PODXL2: variants seen among roughly 807,000 people sequenced by gnomAD.
The protein encoded by PODXL2 is podocalyxin-like protein 2.
Under a neutral mutation model 53.4 loss-of-function variants are expected in PODXL2, and 17 were observed. That is an observed-to-expected ratio of 0.32 (90% CI 0.22 to 0.48). The LOEUF is 0.48. Ranked by LOEUF, PODXL2 falls within the 20% of genes least tolerant of loss-of-function variation. The pLI is 0.99. For synonymous variants in PODXL2, 311 were observed against 306.7 expected (o/e 1.01, Z -0.15); for missense variants, 673 against 760.0 (o/e 0.89, Z 1.35).
intron 2 of PODXL2, among the ~76,000 whole-genome samples, chr3:127,648,115 G>T (rs2074667045): frequency 6.6e-6 from 1 of 152,174 alleles, no homozygotes; most frequent in African/African-American, 2.4e-5. Flanking sequence ...AAAGAAGCTG[G>T]CTGACAGAGA....
Position 127,639,305 on chromosome 3 carries a change from C to T in PODXL2, c.131C>T (p.Ser44Phe). Residue 44 changes from serine to phenylalanine, a missense_variant, in exon 2 of 8, where the codon TCC becomes TTC. By Grantham distance (155) the Ser-to-Phe change is radical. Transcript: ENST00000342480. ...SDEPGPEGLT[S>F]TSLLDLLLPT... ...GAGCCTGGCCCAGAGGGCCTCACCT[C>T]CACCTCCCTGCTAGACCTCCTGCTG... 6.2e-6 allele frequency: 10 copies of T among 1,613,766 alleles called. No individual in the cohort carries two copies. Among genetic ancestry groups the T allele is most frequent in the Admixed American group, 1.7e-5 (1 of 60,024 alleles).
intron 2 of PODXL2, among the ~76,000 whole-genome samples, chr3:127,648,852 G>A (rs927098896): frequency 6.7e-6 from 1 of 149,038 alleles, no homozygotes; most frequent in African/African-American, 2.5e-5. Context: ...GAGTGCACTG[G>A]TGCGATCTCA....
chr3:127,662,040 C>G (rs988461142), intron 3 of PODXL2, among the ~76,000 whole-genome samples, 197 bp from the exon 4 acceptor site: 2 of 152,214 alleles, frequency 1.3e-5, no homozygotes, highest in African/African-American at 4.8e-5. Context: ...ACATTCCCTG[C>G]TTGGTCCCCA....
rs890897531 is a variant in PODXL2, at chr3:127,672,539, C to A, written c.*59C>A. 9 of 1,130,840 alleles carry A rather than the reference C, an allele frequency of 8.0e-6. No homozygotes were observed. Among genetic ancestry groups the A allele is most frequent in the Non-Finnish European group, 1.1e-5 (9 of 834,512 alleles). The allele number at this position is 1,130,840 out of a possible 1,614,324, so 70.1% of individuals were successfully genotyped here. A position where few individuals can be genotyped will look rare whatever the true frequency, so the allele number is the denominator to read the frequency against. On this transcript the variant is annotated 3_prime_UTR_variant, in exon 8 of 8. Transcript: ENST00000342480. ...GGACCAAGCGAGGTGGACCCCGAAA[C>A]GGACGGCCCGGAGCCCGCACCAGCC...
chr3:127,633,363 G>T (rs959469398), intron 1 of PODXL2, among the ~76,000 whole-genome samples: 1 of 152,204 alleles, frequency 6.6e-6, no homozygotes, highest in Admixed American at 6.5e-5. Context: ...ATGTTTTTGT[G>T]GGGGAGAAAC....
At chr3:127,646,074 C>T (rs1021870539) in intron 2 of PODXL2, among the ~76,000 whole-genome samples, 2 of 152,154 alleles carry the variant, frequency 1.3e-5, no homozygotes, top group Non-Finnish European at 2.9e-5. Flanking sequence ...AGATCAAGTA[C>T]AAGTACATCA....
chr3:127,649,174 G>C (rs1452224911), intron 2 of PODXL2, among the ~76,000 whole-genome samples: 1 of 152,098 alleles, frequency 6.6e-6, no homozygotes, highest in African/African-American at 2.4e-5. Flanking sequence ...GGACACTGTG[G>C]TATACACATC....
At chr3:127,650,389 G>T (rs542153390) in intron 2 of PODXL2, among the ~76,000 whole-genome samples, 5 of 152,238 alleles carry the variant, frequency 3.3e-5, no homozygotes, top group African/African-American at 1.2e-4. Context: ...AAGGCCTAGG[G>T]GACCCAGGCC....
Position 127,665,327 on chromosome 3 carries a change from T to C in PODXL2, c.1206+3016T>C, listed in dbSNP as rs114728978. Among the ~76,000 whole-genome samples, 740 of 152,354 alleles carry C rather than the reference T, an allele frequency of 4.9e-3. 7 individuals are homozygous for C. Among genetic ancestry groups the C allele is most frequent in the Middle Eastern group, 0.02 (6 of 294 alleles). The stretch of plus-strand genomic sequence containing the variant: ...ACTGATGGGCTATACAGAGACTACA[T>C]ATTCAGAAAAAGACAGGGAGAAAAG... On this transcript the variant is annotated intron_variant, in intron 4 of 7. Coordinates refer to ENST00000342480, the MANE Select transcript of PODXL2 (RefSeq NM_015720.4).
chr3:127,652,901 G>A (rs1023113796), intron 2 of PODXL2, among the ~76,000 whole-genome samples: 6 of 152,252 alleles, frequency 3.9e-5, no homozygotes, highest in Non-Finnish European at 8.8e-5. Flanking sequence ...GAGGGTGTGG[G>A]CATCAAGGAC....
chr3:127,629,999 C>A lies in PODXL2; in HGVS notation c.70+710C>A, dbSNP rs1395814571. Among the ~76,000 whole-genome samples the A allele has an allele frequency of 1.3e-5, 2 of 151,880 alleles. No homozygotes were observed. The highest frequency in any genetic ancestry group is 3.9e-4 in the East Asian group (2 of 5,130). ...TTCAGCAGCCACGCCGGGCGGCGGG[C>A]TGTGTGGGTGCGTGGCGGGCTGGGG... is the stretch of plus-strand genomic sequence containing the variant. On this transcript the variant is annotated intron_variant, in intron 1 of 7. Coordinates refer to ENST00000342480, the MANE Select transcript of PODXL2 (RefSeq NM_015720.4). The surrounding 1 kb of genome is among the most constrained non-coding windows in gnomAD (Gnocchi z 6.4).
rs771510001 is a variant in PODXL2 at position 127,660,714 on chromosome 3, C to T, written c.686C>T (p.Ala229Val). 84 of 1,614,040 alleles carry T rather than the reference C, an allele frequency of 5.2e-5. No individual in the cohort carries two copies. The Admixed American group carries it at 1.4e-3, about 27-fold the overall frequency. ...AGGCATGAAGACTCCGGGGACCAGG[C>T]CTCATCAGGTGTGGAGGTGGAGAGC... Reference protein sequence around the residue: ...KSRHEDSGDQASSGVEVESSM... With the variant: ...KSRHEDSGDQVSSGVEVESSM... The change falls in exon 3 of 8, where the codon GCC (alanine) becomes GTC (valine). Residue 229 changes from alanine (A) to valine (V), a missense_variant. Ala to Val is a moderately conservative substitution (Grantham distance 64). Transcript: ENST00000342480.
chr3:127,652,913 T>A (rs933482777), intron 2 of PODXL2, among the ~76,000 whole-genome samples: 1 of 152,266 alleles, frequency 6.6e-6, no homozygotes, highest in Middle Eastern at 3.4e-3. Context: ...ATCAAGGACT[T>A]GCCCTGGGTC....
At chr3:127,656,517 A>G (rs2074724772) in intron 2 of PODXL2, among the ~76,000 whole-genome samples, 1 of 151,994 alleles carries the variant, frequency 6.6e-6, no homozygotes, top group Non-Finnish European at 1.5e-5. Flanking sequence ...TGGGTGGATC[A>G]TGAGGTCAGG....
In PODXL2 at chr3:127,671,457, A is replaced by C; in HGVS notation, c.1449A>C (p.Thr483=). Residue 483 remains threonine, a synonymous_variant, in exon 7 of 8, where the codon ACA becomes ACC. Coordinates refer to ENST00000342480, the MANE Select transcript of PODXL2 (RefSeq NM_015720.4). ...AGATTGGCATCCAGAACTATTCCAC[A>C]ACCAGCAGCTGCCAGGCGCGGGCCA... ...LEEIGIQNYS[T]TSSCQARASQ... is the part of the protein sequence containing the mutation. 1.9e-6 allele frequency: 3 copies of C among 1,614,054 alleles called. No individual in the cohort carries two copies. The highest frequency in any genetic ancestry group is 2.5e-6 in the Non-Finnish European group (3 of 1,179,974).
intron 2 of PODXL2, among the ~76,000 whole-genome samples, chr3:127,646,387 ATT>A (rs538645425): frequency 3.0e-4 from 43 of 141,664 alleles, no homozygotes; most frequent in African/African-American, 4.4e-4. Flanking sequence ...TTTTCCATAG[ATT>A]TTTTTTTTTT....
At chr3:127,631,655 T>G (rs986537851) in intron 1 of PODXL2, among the ~76,000 whole-genome samples, 2 of 152,238 alleles carry the variant, frequency 1.3e-5, no homozygotes, top group African/African-American at 4.8e-5. Context: ...TAAGGCAGAT[T>G]AATTATTAAG....
intron 2 of PODXL2, among the ~76,000 whole-genome samples, chr3:127,656,224 C>A (rs770882369): frequency 6.6e-6 from 1 of 152,134 alleles, no homozygotes; most frequent in South Asian, 2.1e-4. Flanking sequence ...AGAACTATAT[C>A]CAAAGCTTAA....
intron 7 of PODXL2, 90 bp downstream of exon 7, chr3:127,671,703 C>G: frequency 1.6e-6 from 2 of 1,276,066 alleles, no homozygotes; most frequent in Non-Finnish European, 2.2e-6. Context: ...GGCAGTGACT[C>G]TCCTGGGCGC....
Sources: allele counts gnomAD v4.1 joint callset (sites outside exome capture counted in the v4.1 genomes callset), GRCh38; gene constraint gnomAD v4.1.1; non-coding constraint Gnocchi (gnomAD v3.1); transcripts MANE v1.5; gene names NCBI Gene and HGNC (gene_info 2026-07-23, HGNC 2026-07-21).